The following ZYG11A variants were observed in gnomAD, a reference collection of about 807,000 sequenced individuals.
ZYG11A encodes the protein protein zyg-11 homolog A.
A neutral mutation model predicts 77.2 loss-of-function variants in ZYG11A; 62 were observed. The ratio of observed to expected loss-of-function variants is 0.80; its 90% CI spans 0.65 to 0.99. The LOEUF is 0.99. Ranked by LOEUF, ZYG11A falls within the 50% of genes least tolerant of loss-of-function variation. The pLI is 0.00. For missense variants in ZYG11A, 828 were observed against 896.8 expected (o/e 0.92, Z 0.98); for synonymous variants, 315 against 324.6 (o/e 0.97, Z 0.32).
In ZYG11A at chr1:52,847,835, AATTTATTTATTT is replaced by A. The variant is rs5774129; in HGVS notation, c.90+4899_90+4910del. On this transcript the variant is annotated intron_variant, in intron 1 of 13. Transcript: ENST00000371528. ...CAGGTGTGTGCCACCACGCCTTGCT[AATTTATTTATTT>A]ATTTATTTATTTATTTATTTATTTA... is the stretch of plus-strand genomic sequence containing the variant. Among the ~76,000 whole-genome samples the A allele has an allele frequency of 1.3e-3, 156 of 119,356 alleles. 1 individual carries two copies. Among genetic ancestry groups the A allele is most frequent in the African/African-American group, 4.0e-3 (105 of 26,450 alleles). 78.3% of individuals were successfully genotyped at this position (119,356 alleles called of 152,430 possible).
At chr1:52,864,698 G>T (rs1280635361) in intron 5 of ZYG11A, among the ~76,000 whole-genome samples, 1 of 152,092 alleles carries the variant, frequency 6.6e-6, no homozygotes, top group African/African-American at 2.4e-5. Context: ...AGGGTGGAGT[G>T]CAGTGGTATG....
chr1:52,879,152 C>T (rs1415446238), intron 10 of ZYG11A, among the ~76,000 whole-genome samples: 1 of 152,004 alleles, frequency 6.6e-6, no homozygotes, highest in East Asian at 1.9e-4. Context: ...TTTCCTAAAG[C>T]TAAAGGTGAA....
intron 8 of ZYG11A, among the ~76,000 whole-genome samples, chr1:52,871,046 T>C (rs1043973407): frequency 2.6e-5 from 4 of 152,244 alleles, no homozygotes; most frequent in African/African-American, 9.6e-5. Context: ...TTTCACGTAG[T>C]TGAATTCATT....
At chr1:52,862,755 A>C (rs1017139131) in intron 4 of ZYG11A, among the ~76,000 whole-genome samples, 1 of 152,020 alleles carries the variant, frequency 6.6e-6, no homozygotes, top group Non-Finnish European at 1.5e-5. Context: ...GAAGAGATTG[A>C]ATTAGATGTT....
intron 1 of ZYG11A, among the ~76,000 whole-genome samples, chr1:52,845,949 G>A (rs563589111): frequency 2.0e-4 from 31 of 152,126 alleles, no homozygotes; most frequent in African/African-American, 7.0e-4. Context: ...GAGCCACTGT[G>A]CCCGGCCTTT....
chr1:52,851,479 C>T (rs905806899), intron 1 of ZYG11A, among the ~76,000 whole-genome samples: 7 of 152,064 alleles, frequency 4.6e-5, no homozygotes, highest in Non-Finnish European at 4.4e-5. Context: ...CTCACTACAA[C>T]CTCTGGCTCC....
At chr1:52,885,447 G>A (rs940211055) in intron 11 of ZYG11A, among the ~76,000 whole-genome samples, 4 of 149,394 alleles carry the variant, frequency 2.7e-5, no homozygotes, top group African/African-American at 7.4e-5. Context: ...CTTGTGATCC[G>A]CCCGCCTTGG....
At chr1:52,865,276 G>A (rs915825592) in intron 5 of ZYG11A, among the ~76,000 whole-genome samples, 3 of 152,102 alleles carry the variant, frequency 2.0e-5, no homozygotes, top group Non-Finnish European at 2.9e-5. Flanking sequence ...AAATGAAAAG[G>A]TAGATGATAG....
At chr1:52,871,652 T>C in intron 8 of ZYG11A, among the ~76,000 whole-genome samples, 1 of 152,056 alleles carries the variant, frequency 6.6e-6, no homozygotes, top group East Asian at 1.9e-4. Context: ...ATAATTTTTG[T>C]ATTTTTAGTA....
At chr1:52,843,238 G>T (rs547582499) in intron 1 of ZYG11A, among the ~76,000 whole-genome samples, 1 of 152,348 alleles carries the variant, frequency 6.6e-6, no homozygotes, top group South Asian at 2.1e-4. Flanking sequence ...AGGCAGCGCG[G>T]CGAGAGCCCA....
intron 1 of ZYG11A, among the ~76,000 whole-genome samples, chr1:52,850,644 C>T (rs1222363355): frequency 2.0e-5 from 3 of 152,026 alleles, no homozygotes; most frequent in East Asian, 1.9e-4. Flanking sequence ...TTAATAGAGA[C>T]GGGGTTTCAC....
At chr1:52,856,834 G>A (rs1245334906) in intron 2 of ZYG11A, among the ~76,000 whole-genome samples, 164 bp from the exon 3 acceptor site, 1 of 152,178 alleles carries the variant, frequency 6.6e-6, no homozygotes, top group African/African-American at 2.4e-5. Flanking sequence ...AAGAATACAT[G>A]AGATAATAAT....
In ZYG11A at chr1:52,864,079, G is replaced by C. The variant is rs376447258; in HGVS notation, c.1248G>C (p.Lys416Asn). 134 of 1,551,928 alleles carry C rather than the reference G, an allele frequency of 8.6e-5. No homozygotes were observed. In the East Asian group the frequency reaches 3.1e-3, roughly 36 times the overall value. Reference protein sequence around the residue: ...ALNLTRQGLAKGMPVRLLSEV... With the variant: ...ALNLTRQGLANGMPVRLLSEV... ...ACCTAACACGCCAGGGCCTGGCCAA[G>C]GGGATGCCTGTTCGCCTGTTGTCAG... is the stretch of plus-strand genomic sequence containing the variant. Residue 416 changes from lysine to asparagine, a missense_variant, in exon 5 of 14, where the codon AAG becomes AAC. Coordinates refer to ENST00000371528, the MANE Select transcript of ZYG11A (RefSeq NM_001004339.3).
intron 10 of ZYG11A, among the ~76,000 whole-genome samples, chr1:52,878,395 A>C (rs1300949454): frequency 6.6e-6 from 1 of 152,078 alleles, no homozygotes; most frequent in Non-Finnish European, 1.5e-5. Context: ...GCTTCTCCAC[A>C]TGGCAATCTC....
chr1:52,860,869 A>T lies in ZYG11A; in HGVS notation c.1147A>T (p.Lys383Ter). ...GGAGGTAACCATGCCTGCTATTTTA[A>T]AGGTAATTGAAGGAAGACAATTTTT... ...SMEVTMPAIL[K>*]LVAIGMRNHP... The change falls in exon 4 of 14, where the codon AAG (lysine) becomes TAG (stop). Residue 383 changes from lysine to a stop codon, truncating the protein, a stop_gained and splice_region_variant. Transcript: ENST00000371528. LOFTEE classifies it high-confidence loss of function. 2 of 1,548,688 alleles carry T rather than the reference A, an allele frequency of 1.3e-6. No homozygotes were observed. The highest frequency in any genetic ancestry group is 1.7e-6 in the Non-Finnish European group (2 of 1,146,314).
chr1:52,870,887 G>GGGGAGA (rs144696273), intron 8 of ZYG11A, among the ~76,000 whole-genome samples: 2 of 151,544 alleles, frequency 1.3e-5, no homozygotes, highest in African/African-American at 4.8e-5. Context: ...GGAGGGGGAG[G>GGGGAGA]GGGAGAGGGA....
At chr1:52,883,304 T>C (rs1166376342) in intron 11 of ZYG11A, among the ~76,000 whole-genome samples, 1 of 151,844 alleles carries the variant, frequency 6.6e-6, no homozygotes, top group Non-Finnish European at 1.5e-5. Context: ...TGTTGTGTTT[T>C]TAGTAGAGAC....
At chr1:52,852,586 A>G (rs1268093130) in intron 1 of ZYG11A, among the ~76,000 whole-genome samples, 1 of 151,976 alleles carries the variant, frequency 6.6e-6, no homozygotes, top group Non-Finnish European at 1.5e-5. Context: ...CTGGTCTCAA[A>G]CTCATGACCT....
At chr1:52,879,792 C>T (rs973074347) in intron 10 of ZYG11A, among the ~76,000 whole-genome samples, 7 of 115,084 alleles carry the variant, frequency 6.1e-5, no homozygotes, top group African/African-American at 1.2e-4. Flanking sequence ...ATTTTTGTCT[C>T]GCTCTTGTCA....
Sources: allele counts gnomAD v4.1 joint callset (sites outside exome capture counted in the v4.1 genomes callset), GRCh38; gene constraint gnomAD v4.1.1; transcripts MANE v1.5; gene names NCBI Gene and HGNC (gene_info 2026-07-23, HGNC 2026-07-21).